Variants in NPAS2 observed in about 807,000 individuals in gnomAD.
The protein encoded by NPAS2 is neuronal PAS domain protein 2, also known as neuronal PAS domain-containing protein 2.
Under a neutral mutation model 107.5 loss-of-function variants are expected in NPAS2, and 23 were observed. That is an observed-to-expected ratio of 0.21 (90% CI 0.15 to 0.30). The LOEUF (loss-of-function observed/expected upper bound fraction) is 0.30. Ranked by LOEUF, NPAS2 falls within the 10% of genes least tolerant of loss-of-function variation. The pLI is 1.00. For missense variants in NPAS2, 756 were observed against 1,043.3 expected, an observed-to-expected ratio of 0.72 and a Z score of 3.79; for synonymous variants, 403 against 417.5, an observed-to-expected ratio of 0.97 and a Z score of 0.42.
intron 1 of NPAS2, among the ~76,000 whole-genome samples, chr2:100,897,987 A>G (rs1681522793): frequency 6.6e-6 from 1 of 152,240 alleles, no homozygotes; most frequent in African/African-American, 2.4e-5. Flanking sequence ...AGGAGATAGT[A>G]CACACGGTGC....
chr2:100,887,859 T>C (rs1680811164), intron 1 of NPAS2, among the ~76,000 whole-genome samples: 1 of 152,194 alleles, frequency 6.6e-6, no homozygotes, highest in Non-Finnish European at 1.5e-5. Flanking sequence ...TTCGCATCAT[T>C]AGTTCATCAC....
At chr2:100,894,403 A>G (rs1225525267) in intron 1 of NPAS2, among the ~76,000 whole-genome samples, 1 of 152,146 alleles carries the variant, frequency 6.6e-6, no homozygotes, top group Non-Finnish European at 1.5e-5. Context: ...AACCAGGTCC[A>G]TGCATGTTTG....
At chr2:100,982,136 G>A (rs757373952) in intron 15 of NPAS2, 95 bp from the exon 16 acceptor site, 246 of 1,435,722 alleles carry the variant, frequency 1.7e-4, no homozygotes, top group Non-Finnish European at 2.1e-4. Context: ...GCTAAGGGAC[G>A]GAAATGAAGT....
intron 1 of NPAS2, among the ~76,000 whole-genome samples, chr2:100,897,167 A>G (rs1180918878): frequency 6.6e-6 from 1 of 152,160 alleles, no homozygotes; most frequent in South Asian, 2.1e-4. Flanking sequence ...AACTGCCCCC[A>G]TGATTCAATT....
At chr2:100,821,414 T>C (rs1676062843) in intron 1 of NPAS2, among the ~76,000 whole-genome samples, 1 of 152,032 alleles carries the variant, frequency 6.6e-6, no homozygotes, top group African/African-American at 2.4e-5. Context: ...TCTTTACGCG[T>C]TGCTTTGGCA....
intron 6 of NPAS2, 24 bp downstream of exon 6, chr2:100,948,379 A>G: frequency 6.3e-7 from 1 of 1,582,290 alleles, no homozygotes; most frequent in African/African-American, 1.4e-5. Flanking sequence ...TTCTGGTTTT[A>G]CAAGCTAGAA....
At chr2:100,970,744 G>A (rs1676490463) in intron 11 of NPAS2, 1 of 412,566 alleles carries the variant, frequency 2.4e-6, no homozygotes, top group South Asian at 5.3e-5. Flanking sequence ...AAATGAGAGG[G>A]GAATAAAGAC....
chr2:100,874,610 C>T (rs574880784), intron 1 of NPAS2, among the ~76,000 whole-genome samples: 61 of 151,810 alleles, frequency 4.0e-4, no homozygotes, highest in Non-Finnish European at 5.4e-4. Flanking sequence ...GGTGTGGTGG[C>T]GCACACCTGT....
intron 8 of NPAS2, 126 bp from the exon 9 acceptor site, chr2:100,964,735 C>T: frequency 1.6e-6 from 1 of 634,624 alleles, no homozygotes; most frequent in Non-Finnish European, 2.7e-6. Context: ...TTCAGTCCAA[C>T]ACGACTTGGA....
intron 1 of NPAS2, among the ~76,000 whole-genome samples, chr2:100,841,846 A>T (rs916430371): frequency 6.6e-6 from 1 of 152,198 alleles, no homozygotes; most frequent in Non-Finnish European, 1.5e-5. Flanking sequence ...ATGCACATAC[A>T]TGCACAGCGT....
intron 10 of NPAS2, among the ~76,000 whole-genome samples, chr2:100,967,237 C>CTTTT (rs58558247): frequency 6.0e-5 from 6 of 100,550 alleles, no homozygotes; most frequent in Admixed American, 9.7e-5. Flanking sequence ...AGTCAGTGTC[C>CTTTT]TTTTTTTTTT....
chr2:100,913,993 G>C (rs1397687549), intron 2 of NPAS2, among the ~76,000 whole-genome samples: 1 of 152,172 alleles, frequency 6.6e-6, no homozygotes, highest in East Asian at 1.9e-4. Flanking sequence ...TGGGCAGCTG[G>C]GTGTGAAGTC....
At chr2:100,917,282 G>A (rs1212662451) in intron 2 of NPAS2, among the ~76,000 whole-genome samples, 2 of 152,114 alleles carry the variant, frequency 1.3e-5, no homozygotes, top group African/African-American at 2.4e-5. Context: ...ATCCCAGCAG[G>A]TTGAGAGGCC....
At chr2:100,842,077 A>ATG (rs1553441814) in intron 1 of NPAS2, among the ~76,000 whole-genome samples, 6 of 92,366 alleles carry the variant, frequency 6.5e-5, no homozygotes, top group African/African-American at 1.2e-4. Context: ...GTGTGCATGT[A>ATG]CGCGCACACA....
At chr2:100,931,020 C>A (rs1573647446) in intron 3 of NPAS2, among the ~76,000 whole-genome samples, 1 of 152,332 alleles carries the variant, frequency 6.6e-6, no homozygotes, top group East Asian at 1.9e-4. Flanking sequence ...ACTGTGGCAA[C>A]CATCTGTTTG....
chr2:100,974,637 G>A (rs910929919), intron 12 of NPAS2, among the ~76,000 whole-genome samples, 166 bp from the exon 13 acceptor site: 1 of 152,212 alleles, frequency 6.6e-6, no homozygotes. Context: ...TTTAGGTTAC[G>A]TATATGTATA....
rs190424978 is a variant in NPAS2 at position 100,918,233 on chromosome 2, T to C, written c.33-6913T>C. On this transcript the variant is annotated intron_variant, in intron 2 of 20. Transcript: ENST00000335681. ...AGACTTTGGCAAAATGCAACATCTATTCATGAAATAAAAATCAATACTGAA... is the reference window on the plus strand; with the variant it reads ...AGACTTTGGCAAAATGCAACATCTACTCATGAAATAAAAATCAATACTGAA... Among the ~76,000 whole-genome samples, 10 of 152,142 alleles carry C rather than the reference T, an allele frequency of 6.6e-5. No homozygotes were observed. In the East Asian group the frequency reaches 1.9e-3, roughly 29 times the overall value.
At chr2:100,842,475 G>A (rs999662907) in intron 1 of NPAS2, among the ~76,000 whole-genome samples, 1 of 152,082 alleles carries the variant, frequency 6.6e-6, no homozygotes, top group African/African-American at 2.4e-5. Flanking sequence ...TCTGGGTGTC[G>A]GGGCTGCTGC....
Position 100,968,364 on chromosome 2 carries a change from T to C in NPAS2, c.991T>C (p.Tyr331His), listed in dbSNP as rs1402754719. 1 of 1,614,114 alleles carries C rather than the reference T, an allele frequency of 6.2e-7. No individual in the cohort carries two copies. Among genetic ancestry groups the C allele is most frequent in the South Asian group, 1.1e-5 (1 of 91,082 alleles). ...QQWIWLQTHY[Y>H]ITYHQWNSKP... ...GTGGATCTGGCTGCAGACTCACTAC[T>C]ACATCACCTACCATCAGTGGAACTC... The change falls in exon 11 of 21, where the codon TAC becomes CAC. Residue 331 changes from tyrosine to histidine, a missense_variant. This residue lies in a region of NPAS2 where 84 missense variants were observed against 175.5 expected (regional missense o/e 0.48). Transcript: ENST00000335681. The surrounding 1 kb of genome is among the most constrained non-coding windows in gnomAD (Gnocchi z 5.3).
Sources: allele counts gnomAD v4.1 joint callset (sites outside exome capture counted in the v4.1 genomes callset), GRCh38; gene constraint gnomAD v4.1.1; regional missense constraint gnomAD v4.1.1; non-coding constraint Gnocchi (gnomAD v3.1); transcripts MANE v1.5; gene names NCBI Gene and HGNC (gene_info 2026-07-23, HGNC 2026-07-21).